NPHP4: variants seen among roughly 807,000 people sequenced by gnomAD.
NPHP4 encodes the protein nephrocystin 4, also known as nephrocystin-4.
In NPHP4, 151 loss-of-function variants were observed where a neutral mutation model predicts 155.8. The observed-to-expected ratio is 0.97, with a 90% CI of 0.85 to 1.11. The LOEUF (loss-of-function observed/expected upper bound fraction) is 1.11. NPHP4 is among the 50% of genes least tolerant of loss of function. NPHP4 has a pLI of 0.00. For missense variants in NPHP4, 1,956 were observed against 1,925.7 expected, an observed-to-expected ratio of 1.02 and a Z score of -0.29; for synonymous variants, 845 against 816.8, an observed-to-expected ratio of 1.03 and a Z score of -0.59.
intron 28 of NPHP4, 116 bp from the exon 29 acceptor site, chr1:5,864,149 T>G (rs1640937772): frequency 1.6e-6 from 2 of 1,256,938 alleles, no homozygotes; most frequent in Admixed American, 2.0e-5. Context: ...CCCACAGAGA[T>G]AAGACAGACG....
chr1:5,869,167 C>T (rs1349107747), intron 23 of NPHP4, among the ~76,000 whole-genome samples: 1 of 149,172 alleles, frequency 6.7e-6, no homozygotes, highest in Non-Finnish European at 1.5e-5. Flanking sequence ...CACACGCACC[C>T]ACATGCACAC....
chr1:5,885,555 C>T (rs1643723197), intron 18 of NPHP4, among the ~76,000 whole-genome samples: 1 of 152,218 alleles, frequency 6.6e-6, no homozygotes, highest in African/African-American at 2.4e-5. Context: ...GTCCTCTCCC[C>T]ATCATCAGAG....
chr1:5,915,722 G>T (rs1422778570), intron 11 of NPHP4, among the ~76,000 whole-genome samples: 1 of 152,294 alleles, frequency 6.6e-6, no homozygotes, highest in East Asian at 1.9e-4. Flanking sequence ...CACCTCCAGG[G>T]TCAGTTTCAG....
chr1:5,970,047 C>T (rs1316194764), intron 3 of NPHP4, among the ~76,000 whole-genome samples: 4 of 152,160 alleles, frequency 2.6e-5, no homozygotes, highest in African/African-American at 9.7e-5. Context: ...CCTCTGCCTC[C>T]GCCTTCCTGC....
At chr1:5,977,559 G>A (rs1162662607) in intron 3 of NPHP4, among the ~76,000 whole-genome samples, 1 of 151,814 alleles carries the variant, frequency 6.6e-6, no homozygotes, top group African/African-American at 2.4e-5. Context: ...GAAACAGTCT[G>A]CAGTTCTGTT....
At chr1:5,895,495 G>A (rs1030095669) in intron 16 of NPHP4, among the ~76,000 whole-genome samples, 47 of 152,166 alleles carry the variant, frequency 3.1e-4, no homozygotes, top group African/African-American at 7.7e-4. Flanking sequence ...GTAAGACTTC[G>A]TTTCAAACAG....
At chr1:5,951,876 G>A (rs184478648) in intron 7 of NPHP4, among the ~76,000 whole-genome samples, 205 of 152,300 alleles carry the variant, frequency 1.3e-3, no homozygotes, top group African/African-American at 4.4e-3. Flanking sequence ...TTTACAGCTC[G>A]CAAGCCAGAG....
intron 18 of NPHP4, 198 bp from the exon 19 acceptor site, chr1:5,880,437 A>T (rs867466400): frequency 1.1e-4 from 64 of 572,098 alleles, no homozygotes; most frequent in African/African-American, 1.0e-3. Context: ...ACTTTCAGCT[A>T]GGTCTTCATT....
chr1:5,942,971 C>T (rs1006300070), intron 9 of NPHP4, among the ~76,000 whole-genome samples: 7 of 152,198 alleles, frequency 4.6e-5, no homozygotes, highest in African/African-American at 1.4e-4. Context: ...GCATTTCATG[C>T]TCATGTTACA....
intron 9 of NPHP4, among the ~76,000 whole-genome samples, 199 bp from the exon 10 acceptor site, chr1:5,933,528 TAGTCTTC>T (rs574972990): frequency 4.0e-4 from 61 of 152,250 alleles, no homozygotes; most frequent in South Asian, 3.5e-3. Context: ...AGGGCACAGA[TAGTCTTC>T]AGTTACATGA....
chr1:5,874,606 C>A lies in NPHP4; in HGVS notation c.3096G>T (p.Leu1032=). Reference sequence around the variant, plus strand: ...ACATGTCCTCCTCCACCGGTGTGTGCAGGCCAGCAGCACCCTTGAAGTCCC... The same window carrying A: ...ACATGTCCTCCTCCACCGGTGTGTGAAGGCCAGCAGCACCCTTGAAGTCCC... ...EWRDFKGAAG[L]HTPVEEDMFH... Residue 1032 remains leucine (L), a synonymous_variant, in exon 22 of 30, where the codon CTG becomes CTT. Transcript: ENST00000378156. 1.2e-6 allele frequency: 2 copies of A among 1,611,948 alleles called. No individual in the cohort carries two copies. The highest frequency in any genetic ancestry group is 1.7e-6 in the Non-Finnish European group (2 of 1,179,398).
intron 9 of NPHP4, among the ~76,000 whole-genome samples, chr1:5,941,279 G>A (rs1646798936): frequency 3.1e-5 from 1 of 32,388 alleles, no homozygotes; most frequent in Non-Finnish European, 5.6e-5. Flanking sequence ...CCACAAACAA[G>A]AGATCTAGAC....
At chr1:5,866,891 C>T (rs1641288180) in intron 25 of NPHP4, 139 bp downstream of exon 25, 1 of 658,246 alleles carries the variant, frequency 1.5e-6, no homozygotes, top group East Asian at 2.7e-5. Context: ...GTCAAAATAG[C>T]CCTTTAGTAC....
chr1:5,931,818 T>C (rs1218240226), intron 10 of NPHP4, among the ~76,000 whole-genome samples: 2 of 149,800 alleles, frequency 1.3e-5, no homozygotes, highest in East Asian at 4.0e-4. Flanking sequence ...CTCACGCCTA[T>C]AATCCCAACA....
chr1:5,978,224 C>T (rs1242936396), intron 3 of NPHP4, 46 bp downstream of exon 3: 3 of 1,569,818 alleles, frequency 1.9e-6, no homozygotes, highest in South Asian at 1.2e-5. Context: ...CCCGCACACA[C>T]ACCCTCCGCC....
rs1162454979 is a variant in NPHP4, at chr1:5,867,055, T to A, written c.3533A>T (p.Asn1178Ile). The A allele has an allele frequency of 6.2e-7, 1 of 1,613,000 alleles. No individual in the cohort carries two copies. Among genetic ancestry groups the A allele is most frequent in the Non-Finnish European group, 8.5e-7 (1 of 1,179,516 alleles). Reference sequence around the variant, plus strand: ...CACATTCTGGGTCTCACAGATGACGTTCGGGTCGCTGCAGCGAACATGGAC... The same window carrying A: ...CACATTCTGGGTCTCACAGATGACGATCGGGTCGCTGCAGCGAACATGGAC... Reference protein sequence around the residue: ...PPVHVRCSDPNVICETQNVGP... With the variant: ...PPVHVRCSDPIVICETQNVGP... Residue 1178 changes from asparagine to isoleucine, a missense_variant, in exon 25 of 30, where the codon AAC becomes ATC. Physicochemically the swap from Asn to Ile is moderately radical, Grantham distance 149 (BLOSUM62 -3). Coordinates refer to ENST00000378156, the MANE Select transcript of NPHP4 (RefSeq NM_015102.5). The surrounding 1 kb of genome is among the most constrained non-coding windows in gnomAD (Gnocchi z 4.1).
chr1:5,964,909 CAT>C (rs1261205390), intron 5 of NPHP4, among the ~76,000 whole-genome samples: 134 of 108,036 alleles, frequency 1.2e-3, no homozygotes, highest in Non-Finnish European at 1.9e-3. Flanking sequence ...ATATATAATA[CAT>C]ATATATTATA....
intron 16 of NPHP4, among the ~76,000 whole-genome samples, chr1:5,895,853 T>C (rs575303042): frequency 3.7e-4 from 57 of 152,056 alleles, no homozygotes; most frequent in Non-Finnish European, 5.9e-4. Flanking sequence ...GCGGCTACCG[T>C]AGAAACGGGC....
At chr1:5,934,101 C>A (rs1336197378) in intron 9 of NPHP4, among the ~76,000 whole-genome samples, 2 of 152,160 alleles carry the variant, frequency 1.3e-5, no homozygotes, top group Admixed American at 6.5e-5. Flanking sequence ...TAAAGCTAAA[C>A]CCCGGTCTTT....
Sources: allele counts gnomAD v4.1 joint callset (sites outside exome capture counted in the v4.1 genomes callset), GRCh38; gene constraint gnomAD v4.1.1; non-coding constraint Gnocchi (gnomAD v3.1); transcripts MANE v1.5; gene names NCBI Gene and HGNC (gene_info 2026-07-23, HGNC 2026-07-21).